The following EHMT1 variants were observed in gnomAD, a reference collection of about 807,000 sequenced individuals.
EHMT1 encodes histone-lysine N-methyltransferase EHMT1.
In EHMT1, 15 loss-of-function variants were observed where a neutral mutation model predicts 147.2. The ratio of observed to expected loss-of-function variants is 0.10; its 90% CI spans 0.07 to 0.16. EHMT1 has a LOEUF of 0.16. Ranked by LOEUF, EHMT1 falls within the 10% of genes least tolerant of loss-of-function variation. EHMT1 has a pLI of 1.00. For synonymous variants in EHMT1, 795 were observed against 709.6 expected, an observed-to-expected ratio of 1.12 and a Z score of -1.91; for missense variants, 1,587 against 1,772.4, an observed-to-expected ratio of 0.90 and a Z score of 1.88.
intron 17 of EHMT1, chr9:137,800,650 T>C: frequency 1.7e-6 from 1 of 577,370 alleles, no homozygotes; most frequent in South Asian, 2.0e-5. Context: ...GCAGGGTTGT[T>C]GGGCCTGGGC....
intron 9 of EHMT1, among the ~76,000 whole-genome samples, chr9:137,759,634 C>G (rs1214071229): frequency 1.3e-5 from 2 of 152,222 alleles, no homozygotes; most frequent in African/African-American, 4.8e-5. Context: ...AAACTGCCTC[C>G]CAGAATTGAT....
At chr9:137,632,812 C>T (rs1179424172) in intron 1 of EHMT1, among the ~76,000 whole-genome samples, 1 of 152,202 alleles carries the variant, frequency 6.6e-6, no homozygotes, top group Non-Finnish European at 1.5e-5. Flanking sequence ...TATAGCATCA[C>T]ACGGGGCAGG....
chr9:137,639,736 G>A (rs949259229), intron 1 of EHMT1, among the ~76,000 whole-genome samples: 2 of 152,064 alleles, frequency 1.3e-5, no homozygotes, highest in African/African-American at 4.8e-5. Flanking sequence ...ATCTGAGATC[G>A]GATCTTGTAG....
intron 24 of EHMT1, 28 bp downstream of exon 24, chr9:137,817,553 C>T (rs563152525): frequency 1.7e-5 from 27 of 1,613,772 alleles, no homozygotes; most frequent in East Asian, 2.2e-5. Flanking sequence ...TCACCCCAAG[C>T]CTGGTGTCAT....
intron 22 of EHMT1, chr9:137,814,715 C>T (rs1954783749): frequency 3.1e-6 from 2 of 649,896 alleles, no homozygotes; most frequent in Non-Finnish European, 5.5e-6. Flanking sequence ...CTGCGGATTC[C>T]CTGGGGCTGG....
chr9:137,793,852 A>T (rs1162253404), intron 16 of EHMT1, among the ~76,000 whole-genome samples: 1 of 152,230 alleles, frequency 6.6e-6, no homozygotes, highest in Non-Finnish European at 1.5e-5. Context: ...TCATAGAGAC[A>T]GAAAGTAGAC....
At chr9:137,755,810 G>A (rs992775481) in intron 8 of EHMT1, among the ~76,000 whole-genome samples, 2 of 152,206 alleles carry the variant, frequency 1.3e-5, no homozygotes, top group Non-Finnish European at 2.9e-5. Context: ...GTTACCTAAT[G>A]AGTAATGAGA....
At chr9:137,672,936 A>C (rs1940849799) in intron 1 of EHMT1, among the ~76,000 whole-genome samples, 1 of 152,202 alleles carries the variant, frequency 6.6e-6, no homozygotes, top group Non-Finnish European at 1.5e-5. Context: ...TATTAATATT[A>C]CTACTATACC....
At chr9:137,710,096 A>C (rs1588284283) in intron 1 of EHMT1, among the ~76,000 whole-genome samples, 1 of 150,766 alleles carries the variant, frequency 6.6e-6, no homozygotes, top group Admixed American at 6.6e-5. Flanking sequence ...GGAGTGTTTT[A>C]TGTGTTTATG....
intron 1 of EHMT1, among the ~76,000 whole-genome samples, chr9:137,702,108 T>G (rs1216651936): frequency 6.6e-6 from 1 of 152,138 alleles, no homozygotes; most frequent in African/African-American, 2.4e-5. Flanking sequence ...TTTTGTATTT[T>G]TAATAGAGAC....
At chr9:137,687,366 G>A (rs550390443) in intron 1 of EHMT1, among the ~76,000 whole-genome samples, 26 of 152,304 alleles carry the variant, frequency 1.7e-4, no homozygotes, top group Middle Eastern at 3.4e-3. Context: ...CAGCAGCAAA[G>A]CCAGTTGAGA....
rs113409006 is a variant in EHMT1 at position 137,646,554 on chromosome 9, C to T, written c.21+27505C>T. ...AACCCTGGAGCCTGGGGGAGGCCCC[C>T]GAGCGTGTGGGCTGGGGTGGTCTGG... On this transcript the variant is annotated intron_variant, in intron 1 of 26. Coordinates refer to ENST00000460843, the MANE Select transcript of EHMT1 (RefSeq NM_024757.5). 1.8e-4 allele frequency: 106 copies of T among 581,068 alleles called. No individual in the cohort carries two copies. The African/African-American group carries it at 2.0e-3, about 11-fold the overall frequency. The allele number at this position is 581,068 out of a possible 1,614,324, so 36.0% of individuals were successfully genotyped here.
At chr9:137,814,329 C>G (rs1056987108) in intron 21 of EHMT1, 102 bp from the exon 22 acceptor site, 16 of 1,292,354 alleles carry the variant, frequency 1.2e-5, no homozygotes, top group Admixed American at 3.4e-5. Flanking sequence ...GAAGCACTTA[C>G]CAGAATCAGG....
At chr9:137,707,352 C>A (rs958367629) in intron 1 of EHMT1, among the ~76,000 whole-genome samples, 1 of 152,210 alleles carries the variant, frequency 6.6e-6, no homozygotes, top group Non-Finnish European at 1.5e-5. Flanking sequence ...GGAGAGGCCA[C>A]GGTTCTGGAG....
intron 6 of EHMT1, chr9:137,745,698 T>TA (rs1253599865): frequency 2.5e-6 from 1 of 396,678 alleles, no homozygotes; most frequent in African/African-American, 2.1e-5. Flanking sequence ...TCAGCTGTGT[T>TA]ACGCTCTTTC....
At position 137,828,893 on chromosome 9, in the gene EHMT1, G is replaced by T. The variant is rs1956006912; in HGVS notation, c.3541-5456G>T. On this transcript the variant is annotated intron_variant, in intron 25 of 26. Transcript: ENST00000460843. The surrounding 1 kb of genome is among the most constrained non-coding windows in gnomAD (Gnocchi z 5.3). ...CTCCCCTCCTGCTTGCTGCGTGGGG[G>T]CTTGTGGAGCCTGCTAGGAATCCTG... Among the ~76,000 whole-genome samples the T allele has an allele frequency of 6.6e-6, 1 of 152,128 alleles. No homozygotes were observed. Among genetic ancestry groups the T allele is most frequent in the Non-Finnish European group, 1.5e-5 (1 of 68,024 alleles).
intron 9 of EHMT1, among the ~76,000 whole-genome samples, chr9:137,761,204 G>A (rs1197747210): frequency 6.6e-6 from 1 of 152,184 alleles, no homozygotes; most frequent in African/African-American, 2.4e-5. Context: ...CAGTTTCCTC[G>A]TTTGTTCTGT....
intron 18 of EHMT1, among the ~76,000 whole-genome samples, chr9:137,808,897 C>T (rs186062324): frequency 3.1e-4 from 47 of 152,222 alleles, no homozygotes; most frequent in African/African-American, 1.1e-3. Flanking sequence ...GCATTCCAGC[C>T]TGGGTGACGG....
At chr9:137,739,474 G>GCTTGGTAAAGTGTCCACA (rs1199350090) in intron 4 of EHMT1, among the ~76,000 whole-genome samples, 1 of 152,016 alleles carries the variant, frequency 6.6e-6, no homozygotes, top group Non-Finnish European at 1.5e-5. Context: ...GCAGGTCCCT[G>GCTTGGTAAAGTGTCCACA]CTTGGTACAG....
Sources: allele counts gnomAD v4.1 joint callset (sites outside exome capture counted in the v4.1 genomes callset), GRCh38; gene constraint gnomAD v4.1.1; non-coding constraint Gnocchi (gnomAD v3.1); transcripts MANE v1.5; gene names NCBI Gene and HGNC (gene_info 2026-07-23, HGNC 2026-07-21).